Variants in IMPG2 observed in about 807,000 individuals in gnomAD.
IMPG2 encodes the protein interphotoreceptor matrix proteoglycan 2.
Under a neutral mutation model 129.2 loss-of-function variants are expected in IMPG2, and 91 were observed. The observed-to-expected ratio is 0.70, with a 90% CI of 0.59 to 0.84. IMPG2 has a LOEUF of 0.84. Ranked by LOEUF, IMPG2 falls within the 40% of genes least tolerant of loss-of-function variation. The pLI, the probability that IMPG2 is intolerant of heterozygous loss-of-function variation, is 0.00. For missense variants in IMPG2, 1,430 were observed against 1,461.7 expected (o/e 0.98, Z 0.35); for synonymous variants, 510 against 517.7 (o/e 0.99, Z 0.20).
At chr3:101,289,195 A>G (rs1429491308) in intron 4 of IMPG2, among the ~76,000 whole-genome samples, 1 of 152,142 alleles carries the variant, frequency 6.6e-6, no homozygotes, top group Non-Finnish European at 1.5e-5. Flanking sequence ...TACTGATTTT[A>G]TTCATATTTT....
Position 101,320,557 on chromosome 3 carries a change from T to G in IMPG2, c.-185A>C, listed in dbSNP as rs1331506509. ...AAGAAAAATGGTTGTCCTTTCAAAG[T>G]AGCTCTCACTTCTTTTCTGAAATAA... is the stretch of plus-strand genomic sequence containing the variant. On this transcript the variant is annotated 5_prime_UTR_variant, in exon 1 of 19. Coordinates refer to ENST00000193391, the MANE Select transcript of IMPG2 (RefSeq NM_016247.4). 1.7e-6 allele frequency: 1 copy of G among 587,702 alleles called. No individual in the cohort carries two copies. Among genetic ancestry groups the G allele is most frequent in the East Asian group, 2.9e-5 (1 of 34,034 alleles). The allele number at this position is 587,702 out of a possible 1,614,324, so 36.4% of individuals were successfully genotyped here.
intron 16 of IMPG2, among the ~76,000 whole-genome samples, chr3:101,230,687 A>G (rs913103107): frequency 1.3e-5 from 2 of 152,184 alleles, no homozygotes; most frequent in Non-Finnish European, 2.9e-5. Flanking sequence ...CCAGCAAATT[A>G]CCACAGCCAT....
At position 101,247,602 on chromosome 3, in the gene IMPG2, TAA is replaced by T. The variant is rs11315012; in HGVS notation, c.1240-1499_1240-1498del. On this transcript the variant is annotated intron_variant, in intron 11 of 18. Transcript: ENST00000193391. ...ACAAGAGCAAAACTCCGTCTCAAAA[TAA>T]AAAAAAAAAAGTAGGTATTTGAATA... 8.2e-3 allele frequency among the ~76,000 whole-genome samples: 1,224 copies of T among 149,420 alleles called. 19 individuals are homozygous for T. The highest frequency in any genetic ancestry group is 0.027 in the African/African-American group (1,122 of 40,854).
At chr3:101,265,854 CA>C (rs1239084567) in intron 9 of IMPG2, among the ~76,000 whole-genome samples, 17 of 151,928 alleles carry the variant, frequency 1.1e-4, no homozygotes, top group Non-Finnish European at 2.2e-4. Flanking sequence ...ATCTCCACAG[CA>C]AAATAACAAA....
intron 11 of IMPG2, among the ~76,000 whole-genome samples, chr3:101,247,988 G>A (rs1706500386): frequency 6.6e-6 from 1 of 152,134 alleles, no homozygotes; most frequent in Non-Finnish European, 1.5e-5. Context: ...TATTAAATTT[G>A]CACTGACAGT....
intron 9 of IMPG2, among the ~76,000 whole-genome samples, chr3:101,263,647 G>C (rs1706692469): frequency 6.6e-6 from 1 of 151,400 alleles, no homozygotes; most frequent in South Asian, 2.1e-4. Context: ...CAAAGAACTA[G>C]AAAAGCAAAA....
chr3:101,298,019 T>C (rs1315208838), intron 3 of IMPG2, among the ~76,000 whole-genome samples: 1 of 152,236 alleles, frequency 6.6e-6, no homozygotes, highest in Non-Finnish European at 1.5e-5. Flanking sequence ...CTCACTATTA[T>C]TGTGTGGGAA....
chr3:101,257,091 C>T (rs1706618504), intron 10 of IMPG2, among the ~76,000 whole-genome samples: 3 of 152,066 alleles, frequency 2.0e-5, no homozygotes, highest in Admixed American at 2.0e-4. Flanking sequence ...ACCATTATCA[C>T]TTCTTCTTTG....
At position 101,242,850 on chromosome 3, in the gene IMPG2, A is replaced by G; in HGVS notation, c.2860T>C (p.Phe954Leu). The G allele has an allele frequency of 6.2e-7, 1 of 1,614,100 alleles. No individual in the cohort carries two copies. Among genetic ancestry groups the G allele is most frequent in the Non-Finnish European group, 8.5e-7 (1 of 1,179,976 alleles). ...TGFQNLEILN[F>L]RNGSIVVNSR... is the part of the protein sequence containing the mutation. ...TTCACCACAATGCTGCCATTTCTGA[A>G]GTTGAGGATTTCTAAGTTCTGGAAC... The change falls in exon 14 of 19, where the codon TTC becomes CTC. Residue 954 changes from phenylalanine (F) to leucine (L), a missense_variant. Physicochemically the swap from Phe to Leu is conservative, Grantham distance 22 (BLOSUM62 0). Coordinates refer to ENST00000193391, the MANE Select transcript of IMPG2 (RefSeq NM_016247.4).
At chr3:101,297,243 C>T (rs1323892802) in intron 3 of IMPG2, among the ~76,000 whole-genome samples, 2 of 152,102 alleles carry the variant, frequency 1.3e-5, no homozygotes, top group African/African-American at 2.4e-5. Context: ...GTGGTGATGT[C>T]CCCTTTATCA....
chr3:101,255,556 A>G (rs1369743152), intron 10 of IMPG2, among the ~76,000 whole-genome samples: 4 of 152,062 alleles, frequency 2.6e-5, no homozygotes, highest in Non-Finnish European at 4.4e-5. Context: ...TGGTGTTTGC[A>G]CCTTCTGCTC....
chr3:101,277,769 T>C (rs188927248), intron 4 of IMPG2, among the ~76,000 whole-genome samples: 2 of 152,290 alleles, frequency 1.3e-5, no homozygotes, highest in Admixed American at 6.5e-5. Flanking sequence ...TTTCCACAAG[T>C]CCATATTTTC....
intron 15 of IMPG2, 74 bp from the exon 16 acceptor site, chr3:101,231,219 G>T: frequency 7.4e-7 from 1 of 1,349,402 alleles, no homozygotes; most frequent in Non-Finnish European, 1.1e-6. Context: ...AGAACCTTCT[G>T]AGGGACTAGA....
chr3:101,282,926 A>T lies in IMPG2; in HGVS notation c.534-6213T>A, dbSNP rs542957894. ...GTCCAATTTTACGAACAAATGTCAG[A>T]AATTCATCAAGGTTAAGTGACATAT... is the stretch of plus-strand genomic sequence containing the variant. On this transcript the variant is annotated intron_variant, in intron 4 of 18. Transcript: ENST00000193391. Among the ~76,000 whole-genome samples, 4 of 152,354 alleles carry T rather than the reference A, an allele frequency of 2.6e-5. No individual in the cohort carries two copies. In the South Asian group the frequency reaches 8.3e-4, roughly 32 times the overall value.
chr3:101,229,300 A>ACCCCCCCCCCCCCCCCCCCGGGGCCCCC, intron 17 of IMPG2, 80 bp downstream of exon 17: 1 of 859,118 alleles, frequency 1.2e-6, no homozygotes. Flanking sequence ...ACTCATACAC[A>ACCCCCCCCCCCCCCCCCCCGGGGCCCCC]CCCCCACCCA....
intron 9 of IMPG2, among the ~76,000 whole-genome samples, chr3:101,260,838 T>C (rs1706661331): frequency 6.6e-6 from 1 of 152,180 alleles, no homozygotes; most frequent in East Asian, 1.9e-4. Flanking sequence ...TTTGGCTCTA[T>C]GTCCCCAGCA....
intron 3 of IMPG2, among the ~76,000 whole-genome samples, chr3:101,299,245 C>T (rs1377707912): frequency 6.6e-5 from 10 of 152,324 alleles, no homozygotes; most frequent in Non-Finnish European, 1.5e-5. Flanking sequence ...TCCATCAGGT[C>T]ATTTACATTC....
chr3:101,240,570 C>A (rs897099728), intron 14 of IMPG2, among the ~76,000 whole-genome samples: 1 of 152,126 alleles, frequency 6.6e-6, no homozygotes, highest in Non-Finnish European at 1.5e-5. Context: ...GGCAATATTA[C>A]CCCCATTTAA....
chr3:101,258,666 C>T (rs573272503), intron 9 of IMPG2, among the ~76,000 whole-genome samples: 3 of 152,198 alleles, frequency 2.0e-5, no homozygotes, highest in Admixed American at 1.3e-4. Context: ...GGCTTTTTCT[C>T]CATCAACCTT....
Sources: gnomAD v4.1 joint callset for allele counts (sites outside exome capture counted in the v4.1 genomes callset) on GRCh38, gnomAD v4.1.1 for gene constraint, MANE v1.5 for transcripts, NCBI Gene and HGNC (gene_info 2026-07-23, HGNC 2026-07-21) for gene names.